The following SULF1 variants were observed in gnomAD, a reference collection of about 807,000 sequenced individuals.
SULF1 encodes the protein extracellular sulfatase Sulf-1.
SULF1 carries 46 observed loss-of-function variants against 110.5 expected under a neutral mutation model. The observed-to-expected ratio is 0.42, with a 90% CI of 0.33 to 0.53. The LOEUF is 0.53. Among genes scored for constraint, SULF1 ranks in the 20% least tolerant of loss-of-function variants. The pLI, the probability that SULF1 is intolerant of heterozygous loss-of-function variation, is 0.12. For synonymous variants in SULF1, 371 were observed against 387.1 expected (o/e 0.96, Z 0.49); for missense variants, 941 against 1,094.2 (o/e 0.86, Z 1.98).
chr8:69,652,379 C>T (rs1389166470), intron 22 of SULF1, among the ~76,000 whole-genome samples: 1 of 152,186 alleles, frequency 6.6e-6, no homozygotes, highest in East Asian at 1.9e-4. Context: ...TCAATGTTAT[C>T]CTTGCTTCGT....
intron 3 of SULF1, among the ~76,000 whole-genome samples, chr8:69,515,571 C>T (rs1811872044): frequency 6.6e-6 from 1 of 152,192 alleles, no homozygotes; most frequent in African/African-American, 2.4e-5. Context: ...CATTCAGCTC[C>T]TCCTTACTTA....
intron 3 of SULF1, among the ~76,000 whole-genome samples, chr8:69,502,506 T>C (rs1810873597): frequency 6.6e-6 from 1 of 152,122 alleles, no homozygotes; most frequent in Admixed American, 6.5e-5. Context: ...ATTTCTAGGG[T>C]TTGGGTTCAT....
chr8:69,608,751 C>A (rs1018163016), intron 13 of SULF1, among the ~76,000 whole-genome samples: 8 of 152,110 alleles, frequency 5.3e-5, no homozygotes, highest in African/African-American at 1.9e-4. Flanking sequence ...GGCATCACTT[C>A]TTGACTATGT....
intron 3 of SULF1, among the ~76,000 whole-genome samples, chr8:69,562,267 G>C (rs527281852): frequency 5.9e-5 from 9 of 152,304 alleles, no homozygotes; most frequent in African/African-American, 2.2e-4. Context: ...TAATGTGTAT[G>C]GTAGGGGTAA....
At chr8:69,502,628 T>C (rs1427447585) in intron 3 of SULF1, among the ~76,000 whole-genome samples, 1 of 152,090 alleles carries the variant, frequency 6.6e-6, no homozygotes, top group Non-Finnish European at 1.5e-5. Context: ...ATTTCATTAG[T>C]CACTCTTCAG....
At chr8:69,484,507 C>A (rs1401924483) in intron 1 of SULF1, among the ~76,000 whole-genome samples, 1 of 152,150 alleles carries the variant, frequency 6.6e-6, no homozygotes, top group Non-Finnish European at 1.5e-5. Flanking sequence ...CAGTTTTGGT[C>A]CCAGAAAAAC....
chr8:69,490,096 ACTTTT>A (rs1416438236), upstream of SULF1, among the ~76,000 whole-genome samples: 1 of 136,342 alleles, frequency 7.3e-6, no homozygotes, highest in African/African-American at 2.7e-5. Flanking sequence ...CAAGTTCCAT[ACTTTT>A]CTTTTTTTTT....
intron 3 of SULF1, among the ~76,000 whole-genome samples, chr8:69,504,142 G>A (rs967099418): frequency 3.9e-5 from 6 of 152,112 alleles, no homozygotes; most frequent in African/African-American, 1.2e-4. Flanking sequence ...TATCTAGCTG[G>A]TAATCTTTCA....
intron 3 of SULF1, among the ~76,000 whole-genome samples, chr8:69,510,598 GT>G (rs1335357303): frequency 1.4e-5 from 2 of 142,550 alleles, no homozygotes; most frequent in South Asian, 2.3e-4. Context: ...TTTGTGTTGG[GT>G]TTTTTGGTGG....
intron 1 of SULF1, among the ~76,000 whole-genome samples, chr8:69,481,304 G>A (rs1256140704): frequency 6.6e-6 from 1 of 152,142 alleles, no homozygotes; most frequent in Admixed American, 6.5e-5. Flanking sequence ...TGTGAATTCT[G>A]TTGAGAATGT....
At chr8:69,651,203 C>T (rs1812320248) in intron 22 of SULF1, among the ~76,000 whole-genome samples, 2 of 151,974 alleles carry the variant, frequency 1.3e-5, no homozygotes, top group African/African-American at 4.8e-5. Context: ...CAGGCACCTG[C>T]CACCATGCCC....
At chr8:69,493,980 C>G (rs1810142534) in intron 1 of SULF1, among the ~76,000 whole-genome samples, 1 of 150,802 alleles carries the variant, frequency 6.6e-6, no homozygotes, top group African/African-American at 2.4e-5. Context: ...CTCTGACTTG[C>G]TATTTGAACA....
chr8:69,498,109 C>G (rs1810497692), intron 2 of SULF1, among the ~76,000 whole-genome samples: 1 of 120,400 alleles, frequency 8.3e-6, no homozygotes, highest in African/African-American at 3.2e-5. Context: ...GTCTCTCTCT[C>G]TCTCCACACA....
At chr8:69,596,661 A>C (rs1276387412) in intron 8 of SULF1, among the ~76,000 whole-genome samples, 1 of 152,130 alleles carries the variant, frequency 6.6e-6, no homozygotes, top group Non-Finnish European at 1.5e-5. Context: ...GACTGTGGCC[A>C]GTGTGGTGTT....
In SULF1 at chr8:69,523,551, G is replaced by A. The variant is rs184000725; in HGVS notation, c.-134+21583G>A. ...CATAGAGTTGCACAGGTGCAGATAC[G>A]GAGCAGCCAGAGAGCTGGATTTAAC... is the stretch of plus-strand genomic sequence containing the variant. On this transcript the variant is annotated intron_variant, in intron 3 of 22. Coordinates refer to ENST00000402687, the MANE Select transcript of SULF1 (RefSeq NM_001128205.2). Among the ~76,000 whole-genome samples, 424 of 152,124 alleles carry A rather than the reference G, an allele frequency of 2.8e-3. 3 individuals carry two copies. The highest frequency in any genetic ancestry group is 0.015 in the Admixed American group (225 of 15,248).
Position 69,638,506 on chromosome 8 carries a change from A to G in SULF1, c.2289A>G (p.Gly763=). The change falls in exon 20 of 23, where the codon GGA becomes GGG. Residue 763 remains glycine (G), a synonymous_variant. Coordinates refer to ENST00000402687, the MANE Select transcript of SULF1 (RefSeq NM_001128205.2). ...HWQTAPFWNL[G]SFCACTSSNN... Reference sequence around the variant, plus strand: ...TTTTTCTTTTTTACCCAACAGTGGGATCTTTCTGTGCTTGCACGAGTTCTA... The same window carrying G: ...TTTTTCTTTTTTACCCAACAGTGGGGTCTTTCTGTGCTTGCACGAGTTCTA... 1 of 1,611,288 alleles carries G rather than the reference A, an allele frequency of 6.2e-7. No individual in the cohort carries two copies. Among genetic ancestry groups the G allele is most frequent in the Non-Finnish European group, 8.5e-7 (1 of 1,179,510 alleles).
intron 3 of SULF1, among the ~76,000 whole-genome samples, chr8:69,526,697 G>A (rs1326465731): frequency 3.3e-5 from 5 of 151,982 alleles, no homozygotes; most frequent in African/African-American, 1.2e-4. Context: ...AGGCTGAGAT[G>A]GGAGGATCGC....
intron 3 of SULF1, among the ~76,000 whole-genome samples, chr8:69,530,021 T>C (rs1040052789): frequency 6.6e-6 from 1 of 152,184 alleles, no homozygotes. Flanking sequence ...TCCTATTTGG[T>C]GACTCGGTCT....
chr8:69,527,294 G>A (rs1364492597), intron 3 of SULF1, among the ~76,000 whole-genome samples: 1 of 151,926 alleles, frequency 6.6e-6, no homozygotes, highest in Non-Finnish European at 1.5e-5. Context: ...GAAAATAACA[G>A]GAAAAAAATA....
Sources: allele counts gnomAD v4.1 joint callset (sites outside exome capture counted in the v4.1 genomes callset), GRCh38; gene constraint gnomAD v4.1.1; transcripts MANE v1.5; gene names NCBI Gene and HGNC (gene_info 2026-07-23, HGNC 2026-07-21).